The following SLC39A12 variants were observed in gnomAD, a reference collection of about 807,000 sequenced individuals.
SLC39A12 encodes the protein solute carrier family 39 member 12, also known as zinc transporter ZIP12.
SLC39A12 carries 63 observed loss-of-function variants against 71.1 expected under a neutral mutation model. The observed-to-expected ratio is 0.89, with a 90% confidence interval of 0.72 to 1.09. The LOEUF (loss-of-function observed/expected upper bound fraction) is 1.09. Ranked by LOEUF, SLC39A12 falls within the 50% of genes least tolerant of loss-of-function variation. The pLI is 0.00. For missense variants in SLC39A12, 892 were observed against 812.6 expected, an observed-to-expected ratio of 1.10 and a Z score of -1.19; for synonymous variants, 351 against 301.3, an observed-to-expected ratio of 1.16 and a Z score of -1.71.
chr10:17,955,495 T>C (rs1186748559), intron 2 of SLC39A12, among the ~76,000 whole-genome samples: 1 of 152,042 alleles, frequency 6.6e-6, no homozygotes, highest in African/African-American at 2.4e-5. Context: ...AACACGCGGG[T>C]TCTGGCGCGA....
At chr10:17,985,233 C>T (rs1835370356) in intron 6 of SLC39A12, among the ~76,000 whole-genome samples, 1 of 152,170 alleles carries the variant, frequency 6.6e-6, no homozygotes, top group Non-Finnish European at 1.5e-5. Flanking sequence ...GTCCCAGCTA[C>T]GCAGGAGGCT....
intron 12 of SLC39A12, among the ~76,000 whole-genome samples, chr10:18,036,049 A>G (rs11012305): frequency 0.13 from 19,143 of 152,126 alleles, 2,135 homozygotes; most frequent in African/African-American, 0.29. Context: ...TGCTCTCTTC[A>G]AAGCTGTCAG....
At chr10:18,013,511 G>C (rs1323668369) in intron 12 of SLC39A12, among the ~76,000 whole-genome samples, 1 of 151,852 alleles carries the variant, frequency 6.6e-6, no homozygotes, top group African/African-American at 2.4e-5. Flanking sequence ...GGGACTACAG[G>C]CACCTGCCAC....
In SLC39A12 at chr10:18,042,803, G is replaced by C; in HGVS notation, c.2046G>C (p.Leu682Phe). Residue 682 changes from leucine to phenylalanine, a missense_variant, in exon 13 of 13, where the codon TTG becomes TTC. Coordinates refer to ENST00000377369, the MANE Select transcript of SLC39A12 (RefSeq NM_001145195.2). ...TAGGTTGGCTTTCTCTCCTGCTCTTGGCTATATATGAGCAAAATATTAAAA... is the reference window on the plus strand; with the variant it reads ...TAGGTTGGCTTTCTCTCCTGCTCTTCGCTATATATGAGCAAAATATTAAAA... ...LILGWLSLLL[L>F]AIYEQNIKI is the part of the protein sequence containing the mutation. 6.2e-7 allele frequency: 1 copy of C among 1,610,366 alleles called. No individual in the cohort carries two copies. Among genetic ancestry groups the C allele is most frequent in the Non-Finnish European group, 8.5e-7 (1 of 1,178,746 alleles).
chr10:18,041,803 A>ATACATATGTATACGTATATGTATG (rs1837257836), intron 12 of SLC39A12, among the ~76,000 whole-genome samples: 1 of 145,916 alleles, frequency 6.9e-6, no homozygotes, highest in Non-Finnish European at 1.5e-5. Flanking sequence ...CTATATGTAT[A>ATACATATGTATACGTATATGTATG]TACATATGTA....
chr10:18,000,731 T>C lies in SLC39A12; in HGVS notation c.1665T>C (p.Asp555=), dbSNP rs750412650. The part of the protein sequence containing the change: ...LVGDSLHNFA[D]GLAIGAAFSS... Reference sequence around the variant, plus strand: ...GGGACAGCCTGCATAATTTTGCAGATGGCCTAGCCATAGGAGCAGCCTTCT... The same window carrying C: ...GGGACAGCCTGCATAATTTTGCAGACGGCCTAGCCATAGGAGCAGCCTTCT... The change falls in exon 11 of 13, where the codon GAT becomes GAC. Residue 555 remains aspartate (D), a synonymous_variant. Transcript: ENST00000377369. The C allele has an allele frequency of 1.9e-6, 3 of 1,614,038 alleles. No homozygotes were observed. The highest frequency in any genetic ancestry group is 3.3e-5 in the Admixed American group (2 of 60,010).
intron 7 of SLC39A12, among the ~76,000 whole-genome samples, chr10:17,989,393 T>C (rs1045508694): frequency 1.3e-5 from 2 of 152,278 alleles, no homozygotes; most frequent in East Asian, 1.9e-4. Context: ...TATGACTGAG[T>C]AGAGGCGGCG....
chr10:18,039,973 A>G (rs541536044), intron 12 of SLC39A12, among the ~76,000 whole-genome samples: 2 of 152,200 alleles, frequency 1.3e-5, no homozygotes, highest in Non-Finnish European at 1.5e-5. Flanking sequence ...TTCATTCGCC[A>G]CTTAGGAGGA....
At chr10:18,026,525 C>T (rs530123283) in intron 12 of SLC39A12, among the ~76,000 whole-genome samples, 66 of 152,086 alleles carry the variant, frequency 4.3e-4, no homozygotes, top group African/African-American at 1.5e-3. Flanking sequence ...TAAAGCATAT[C>T]TCTTGCTTGA....
chr10:17,967,898 A>AAAAT (rs1554849110), intron 4 of SLC39A12, among the ~76,000 whole-genome samples: 10 of 119,746 alleles, frequency 8.4e-5, no homozygotes, highest in Non-Finnish European at 1.6e-4. Context: ...AAAAAAAAAA[A>AAAAT]ATATATATAT....
At chr10:17,996,534 G>A (rs895786853) in intron 10 of SLC39A12, among the ~76,000 whole-genome samples, 1 of 152,152 alleles carries the variant, frequency 6.6e-6, no homozygotes, top group Non-Finnish European at 1.5e-5. Context: ...AACACTTCTT[G>A]TATGCTAGGC....
chr10:17,969,584 G>A (rs1311491805), intron 4 of SLC39A12, among the ~76,000 whole-genome samples: 3 of 152,108 alleles, frequency 2.0e-5, no homozygotes, highest in East Asian at 3.8e-4. Flanking sequence ...CCATTTGTAT[G>A]TCTTATTTTG....
At chr10:18,024,926 C>A (rs545028081) in intron 12 of SLC39A12, among the ~76,000 whole-genome samples, 6 of 152,264 alleles carry the variant, frequency 3.9e-5, no homozygotes, top group African/African-American at 1.4e-4. Context: ...ATCGCTACGA[C>A]CACTTATATA....
chr10:17,966,378 G>A (rs546440801), intron 4 of SLC39A12, among the ~76,000 whole-genome samples: 3 of 152,138 alleles, frequency 2.0e-5, no homozygotes, highest in African/African-American at 7.2e-5. Flanking sequence ...TGGTGGGACC[G>A]TAATTCACTG....
chr10:17,978,420 A>G (rs975795355), intron 5 of SLC39A12, among the ~76,000 whole-genome samples: 1 of 152,084 alleles, frequency 6.6e-6, no homozygotes, highest in Non-Finnish European at 1.5e-5. Context: ...ATAGGCACAT[A>G]TTTTTGCTAT....
At chr10:18,004,955 C>G in intron 12 of SLC39A12, among the ~76,000 whole-genome samples, 1 of 151,934 alleles carries the variant, frequency 6.6e-6, no homozygotes, top group Non-Finnish European at 1.5e-5. Flanking sequence ...GCCATTATCC[C>G]CAGCAAACTA....
intron 12 of SLC39A12, among the ~76,000 whole-genome samples, chr10:18,007,704 T>C (rs1300503516): frequency 6.6e-6 from 1 of 152,218 alleles, no homozygotes; most frequent in Admixed American, 6.5e-5. Flanking sequence ...GGTAATGTCC[T>C]GACATTGCCC....
chr10:18,042,476 A>AG (rs1422711587), intron 12 of SLC39A12, among the ~76,000 whole-genome samples: 5 of 151,600 alleles, frequency 3.3e-5, no homozygotes, highest in African/African-American at 1.2e-4. Flanking sequence ...AAAAAAAAAA[A>AG]AAAAAAAGAC....
At chr10:17,978,104 T>A (rs1301337655) in intron 5 of SLC39A12, 30 bp downstream of exon 5, 1 of 1,522,696 alleles carries the variant, frequency 6.6e-7, no homozygotes, top group Non-Finnish European at 8.8e-7. Context: ...TATTCAAGCA[T>A]TTGCTACTGT....
Sources: gnomAD v4.1 joint callset for allele counts (sites outside exome capture counted in the v4.1 genomes callset) on GRCh38, gnomAD v4.1.1 for gene constraint, MANE v1.5 for transcripts, NCBI Gene and HGNC (gene_info 2026-07-23, HGNC 2026-07-21) for gene names.